RAPGEF2: variants seen among roughly 807,000 people sequenced by gnomAD.
RAPGEF2 encodes the protein Rap guanine nucleotide exchange factor 2.
RAPGEF2 carries 54 observed loss-of-function variants against 186.7 expected under a neutral mutation model. That is an observed-to-expected ratio of 0.29 (90% confidence interval 0.23 to 0.36). The LOEUF is 0.36. RAPGEF2 is among the 10% of genes least tolerant of loss of function. The pLI is 1.00. For synonymous variants in RAPGEF2, 712 were observed against 705.9 expected (o/e 1.01, Z -0.14); for missense variants, 1,532 against 2,045.0 (o/e 0.75, Z 4.84).
intron 1 of RAPGEF2, among the ~76,000 whole-genome samples, chr4:159,120,959 A>G (rs2111094676): frequency 6.6e-6 from 1 of 151,942 alleles, no homozygotes; most frequent in South Asian, 2.1e-4. Flanking sequence ...GGTTCGAGCG[A>G]TTCTCCATCC....
Position 159,353,032 on chromosome 4 carries a change from TC to T in RAPGEF2, c.4091+125del. 1 of 922,022 alleles carries T rather than the reference TC, an allele frequency of 1.1e-6. No homozygotes were observed. Among genetic ancestry groups the T allele is most frequent in the Non-Finnish European group, 1.6e-6 (1 of 621,100 alleles). The allele number at this position is 922,022 out of a possible 1,614,324, so 57.1% of individuals were successfully genotyped here. On this transcript the variant is annotated intron_variant, in intron 27 of 29. Transcript: ENST00000691494. This position sits in a 1 kb window ranked among gnomAD's most constrained non-coding sequence, Gnocchi z 4.3. ...ATAATGCCTAAGAATTTTTCTGCCA[TC>T]CCAGTTCTGATTTTCACAATTTCTA...
intron 8 of RAPGEF2, among the ~76,000 whole-genome samples, chr4:159,314,174 G>A (rs1764273872): frequency 6.6e-6 from 1 of 152,184 alleles, no homozygotes; most frequent in Non-Finnish European, 1.5e-5. Context: ...TCTAATTGGG[G>A]TAAAATGGTC....
At chr4:159,109,289 C>T (rs942252112) in intron 1 of RAPGEF2, among the ~76,000 whole-genome samples, 2 of 152,026 alleles carry the variant, frequency 1.3e-5, no homozygotes, top group African/African-American at 4.8e-5. Flanking sequence ...CCCAGGTGTT[C>T]AAGACCAGCC....
intron 19 of RAPGEF2, among the ~76,000 whole-genome samples, chr4:159,340,135 T>C (rs1217899823): frequency 6.6e-6 from 1 of 152,208 alleles, no homozygotes; most frequent in African/African-American, 2.4e-5. Flanking sequence ...GTTCCATAAA[T>C]CATATTTTTT....
intron 25 of RAPGEF2, among the ~76,000 whole-genome samples, chr4:159,349,167 A>G (rs964725445): frequency 3.9e-5 from 6 of 152,276 alleles, no homozygotes; most frequent in African/African-American, 9.6e-5. Flanking sequence ...ACATGTAATC[A>G]AACTATTGCT....
intron 1 of RAPGEF2, among the ~76,000 whole-genome samples, chr4:159,153,793 C>T (rs1743819874): frequency 6.6e-6 from 1 of 152,150 alleles, no homozygotes; most frequent in African/African-American, 2.4e-5. Flanking sequence ...TTCTTGTAGG[C>T]TGTTCAGAGA....
Position 159,347,010 on chromosome 4 carries a change from C to T in RAPGEF2, c.3712+12C>T, listed in dbSNP as rs375359344. 2.6e-5 allele frequency: 42 copies of T among 1,600,188 alleles called. No individual in the cohort carries two copies. The highest frequency in any genetic ancestry group is 6.7e-5 in the African/African-American group (5 of 74,556). On this transcript the variant is annotated intron_variant, in intron 25 of 29. Transcript: ENST00000691494. ...TCTCCCACCTTTTGGTAAGTGATTA[C>T]ATTCATTTCTTTTTTTGGTGCCATT...
intron 1 of RAPGEF2, among the ~76,000 whole-genome samples, chr4:159,162,263 A>G (rs1035218893): frequency 6.7e-6 from 1 of 149,918 alleles, no homozygotes; most frequent in African/African-American, 2.5e-5. Context: ...GGTAGCGTGT[A>G]CTTGTAGTCC....
chr4:159,124,117 A>T (rs1412493870), intron 1 of RAPGEF2, among the ~76,000 whole-genome samples: 1 of 151,886 alleles, frequency 6.6e-6, no homozygotes, highest in Admixed American at 6.6e-5. Flanking sequence ...CATCTCCCAA[A>T]GTGCTGGGAT....
At chr4:159,306,747 G>A (rs527737461) in intron 8 of RAPGEF2, among the ~76,000 whole-genome samples, 2 of 152,224 alleles carry the variant, frequency 1.3e-5, no homozygotes, top group East Asian at 1.9e-4. Context: ...TGTTCAGTAA[G>A]CTGTAGGTTT....
rs191411065 is a variant in RAPGEF2 at position 159,113,951 on chromosome 4, G to A, written c.69+9720G>A. Among the ~76,000 whole-genome samples the A allele has an allele frequency of 5.3e-3, 798 of 151,322 alleles. 8 individuals carry two copies. Among genetic ancestry groups the A allele is most frequent in the African/African-American group, 0.018 (759 of 41,136 alleles). Reference sequence around the variant, plus strand: ...GGATGAGAAGAGATAAAATAGTAACGTTTATTTTATTTTATTTATTTTTGC... The same window carrying A: ...GGATGAGAAGAGATAAAATAGTAACATTTATTTTATTTTATTTATTTTTGC... On this transcript the variant is annotated intron_variant, in intron 1 of 29. Transcript: ENST00000691494.
At chr4:159,306,054 A>G (rs552136474) in intron 8 of RAPGEF2, among the ~76,000 whole-genome samples, 3 of 151,252 alleles carry the variant, frequency 2.0e-5, no homozygotes, top group Non-Finnish European at 4.5e-5. Context: ...TGTTTTAGTT[A>G]TTATAACCTT....
intron 3 of RAPGEF2, among the ~76,000 whole-genome samples, chr4:159,204,064 G>A (rs1007823109): frequency 6.6e-6 from 1 of 152,332 alleles, no homozygotes; most frequent in African/African-American, 2.4e-5. Flanking sequence ...TCAGAAGGAT[G>A]TCATCTGATC....
rs1377872485 is a variant in RAPGEF2 at position 159,356,146 on chromosome 4, A to G, written c.4945A>G (p.Thr1649Ala). The G allele has an allele frequency of 1.9e-6, 3 of 1,613,596 alleles. No individual in the cohort carries two copies. Among genetic ancestry groups the G allele is most frequent in the Non-Finnish European group, 1.7e-6 (2 of 1,179,684 alleles). ...CCCCTATCAGTCCCAAGGGTTTTCCACCGAGGAGGATGGTATATGCACATA... is the reference window on the plus strand; with the variant it reads ...CCCCTATCAGTCCCAAGGGTTTTCCGCCGAGGAGGATGGTATATGCACATA... ...LAPYQSQGFS[T>A]EEDEDEQVSA... The change falls in exon 29 of 30, where the codon ACC (threonine) becomes GCC (alanine). Residue 1649 changes from threonine to alanine, a missense_variant. Thr to Ala is a moderately conservative substitution (Grantham distance 58, BLOSUM62 0). This residue lies in a region of RAPGEF2 where 594 missense variants were observed against 608.5 expected (regional missense o/e 0.98). Transcript: ENST00000691494.
chr4:159,262,826 CTT>C (rs10708513), intron 7 of RAPGEF2, among the ~76,000 whole-genome samples: 1 of 149,018 alleles, frequency 6.7e-6, no homozygotes, highest in Admixed American at 6.7e-5. Context: ...CCGTCAGAAA[CTT>C]TTTTTTTTTA....
chr4:159,130,888 T>G (rs1253822496), intron 1 of RAPGEF2, among the ~76,000 whole-genome samples: 1 of 152,196 alleles, frequency 6.6e-6, no homozygotes, highest in African/African-American at 2.4e-5. Flanking sequence ...TTTTGTATTT[T>G]TTGTAGAGAC....
intron 1 of RAPGEF2, among the ~76,000 whole-genome samples, chr4:159,163,705 T>C (rs1467720187): frequency 6.6e-6 from 1 of 152,216 alleles, no homozygotes; most frequent in African/African-American, 2.4e-5. Flanking sequence ...GGAAGAAAAG[T>C]TATTTACTGA....
At chr4:159,345,616 G>A (rs956958591) in intron 24 of RAPGEF2, among the ~76,000 whole-genome samples, 3 of 152,148 alleles carry the variant, frequency 2.0e-5, no homozygotes, top group African/African-American at 7.2e-5. Flanking sequence ...TGCAACAGAC[G>A]CATATATAGA....
intron 4 of RAPGEF2, among the ~76,000 whole-genome samples, chr4:159,235,781 A>C (rs966372350): frequency 6.6e-6 from 1 of 152,104 alleles, no homozygotes; most frequent in African/African-American, 2.4e-5. Context: ...GCTTTTGTTT[A>C]TGTATTTACT....
Sources: gnomAD v4.1 joint callset for allele counts (sites outside exome capture counted in the v4.1 genomes callset) on GRCh38, gnomAD v4.1.1 for gene constraint, gnomAD v4.1.1 regional missense constraint, Gnocchi (gnomAD v3.1) non-coding constraint, MANE v1.5 for transcripts, NCBI Gene and HGNC (gene_info 2026-07-23, HGNC 2026-07-21) for gene names.